The following PPA2 variants were observed in gnomAD, a reference collection of about 807,000 sequenced individuals.
The protein encoded by PPA2 is inorganic pyrophosphatase 2, mitochondrial.
Under a neutral mutation model 49.5 loss-of-function variants are expected in PPA2, and 48 were observed. That is an observed-to-expected ratio of 0.97 (90% CI 0.77 to 1.23). PPA2 has a LOEUF of 1.23. Among genes scored for constraint, PPA2 ranks in the 50% most tolerant of loss-of-function variants. The pLI, the probability that PPA2 is intolerant of heterozygous loss-of-function variation, is 0.00. For synonymous variants in PPA2, 131 were observed against 139.9 expected, an observed-to-expected ratio of 0.94 and a Z score of 0.45; for missense variants, 429 against 410.1, an observed-to-expected ratio of 1.05 and a Z score of -0.40.
intron 2 of PPA2, chr4:105,456,351 A>G: frequency 2.3e-6 from 1 of 431,912 alleles, no homozygotes; most frequent in South Asian, 1.7e-5. Context: ...CATAGTGGCT[A>G]GCAAATAAAA....
At chr4:105,416,018 C>A (rs1282145254) in intron 7 of PPA2, among the ~76,000 whole-genome samples, 1 of 152,082 alleles carries the variant, frequency 6.6e-6, no homozygotes, top group Non-Finnish European at 1.5e-5. Flanking sequence ...AAATTGTTAC[C>A]AATTATTCTA....
intron 5 of PPA2, among the ~76,000 whole-genome samples, chr4:105,441,722 G>T (rs1023344708): frequency 5.3e-5 from 8 of 152,186 alleles, no homozygotes; most frequent in South Asian, 2.1e-4. Context: ...TAGAAAAGAT[G>T]ATTATAAAGC....
rs988917514 is a variant in PPA2 at position 105,396,190 on chromosome 4, T to C, written c.869+59A>G. 11 of 1,057,362 alleles carry C rather than the reference T, an allele frequency of 1.0e-5. 1 individual carries two copies. The South Asian group carries it at 1.2e-4, about 12-fold the overall frequency. 65.5% of individuals were successfully genotyped at this position (1,057,362 alleles called of 1,614,324 possible). A position where few individuals can be genotyped will look rare whatever the true frequency, so the allele number is the denominator to read the frequency against. ...GCAAAAATCTGAAATCTGATTATTA[T>C]GTGGCTGTTTAATACCAATTAATAT... is the stretch of plus-strand genomic sequence containing the variant. On this transcript the variant is annotated intron_variant, in intron 9 of 11. Coordinates refer to ENST00000341695, the MANE Select transcript of PPA2 (RefSeq NM_176869.3).
intron 9 of PPA2, among the ~76,000 whole-genome samples, chr4:105,389,348 T>C (rs1433887517): frequency 6.6e-6 from 1 of 151,930 alleles, no homozygotes; most frequent in Non-Finnish European, 1.5e-5. Context: ...AGATTCTTTT[T>C]ACTTCTCAAA....
intron 1 of PPA2, among the ~76,000 whole-genome samples, chr4:105,471,087 A>C (rs971159349): frequency 6.6e-6 from 1 of 152,242 alleles, no homozygotes; most frequent in Non-Finnish European, 1.5e-5. Flanking sequence ...ATAAAATGGG[A>C]AGTGTTCTAA....
chr4:105,397,044 T>C (rs1734178416), intron 8 of PPA2, among the ~76,000 whole-genome samples: 1 of 152,194 alleles, frequency 6.6e-6, no homozygotes, highest in Admixed American at 6.5e-5. Flanking sequence ...ATACATCCAG[T>C]AAGAATATCT....
chr4:105,369,776 G>T, intron 11 of PPA2, 23 bp from the exon 12 acceptor site: 1 of 1,566,498 alleles, frequency 6.4e-7, no homozygotes, highest in Non-Finnish European at 8.8e-7. Flanking sequence ...TGGGGAAAGA[G>T]GGTATTAGGG....
chr4:105,388,088 A>G (rs1733756023), intron 9 of PPA2, among the ~76,000 whole-genome samples: 1 of 152,166 alleles, frequency 6.6e-6, no homozygotes, highest in Non-Finnish European at 1.5e-5. Context: ...GGTCTTTTCT[A>G]GATATAGTTG....
At chr4:105,378,713 C>T (rs1020778256) in intron 10 of PPA2, among the ~76,000 whole-genome samples, 1 of 151,934 alleles carries the variant, frequency 6.6e-6, no homozygotes, top group African/African-American at 2.4e-5. Flanking sequence ...GGTCTAGGAT[C>T]CATTTTAGAC....
At chr4:105,371,300 G>A (rs1006029520) in intron 10 of PPA2, among the ~76,000 whole-genome samples, 4 of 152,166 alleles carry the variant, frequency 2.6e-5, no homozygotes, top group East Asian at 3.9e-4. Context: ...TTAAATTATT[G>A]TTTCTATTTA....
chr4:105,436,904 G>T (rs1324453229), intron 6 of PPA2, among the ~76,000 whole-genome samples: 2 of 152,028 alleles, frequency 1.3e-5, no homozygotes, highest in East Asian at 3.8e-4. Context: ...TCTGGATATC[G>T]CCTAGGCAAA....
chr4:105,415,753 C>A (rs529291227), intron 7 of PPA2, among the ~76,000 whole-genome samples: 2 of 152,326 alleles, frequency 1.3e-5, no homozygotes, highest in African/African-American at 4.8e-5. Flanking sequence ...GTCTTTGCAG[C>A]AGCTGCTCCA....
chr4:105,374,949 C>G (rs1362329640), intron 10 of PPA2, among the ~76,000 whole-genome samples: 1 of 151,268 alleles, frequency 6.6e-6, no homozygotes, highest in Non-Finnish European at 1.5e-5. Flanking sequence ...GCCTCGGTCT[C>G]CTTAAGTGCT....
chr4:105,428,091 G>A (rs1427242747), intron 6 of PPA2, among the ~76,000 whole-genome samples: 3 of 152,090 alleles, frequency 2.0e-5, no homozygotes, highest in Non-Finnish European at 2.9e-5. Flanking sequence ...GTCATATCCA[G>A]GCAAACTAAG....
chr4:105,369,846 G>C (rs1369015964), intron 11 of PPA2, 93 bp from the exon 12 acceptor site: 3 of 1,182,844 alleles, frequency 2.5e-6, no homozygotes, highest in Non-Finnish European at 3.8e-6. Context: ...CTTTTAGGAA[G>C]TATTTAGGCA....
At chr4:105,415,100 G>A (rs759488232) in intron 7 of PPA2, among the ~76,000 whole-genome samples, 2 of 152,192 alleles carry the variant, frequency 1.3e-5, no homozygotes, top group African/African-American at 2.4e-5. Flanking sequence ...CCCATGGGCA[G>A]CCATGGTTAG....
intron 6 of PPA2, among the ~76,000 whole-genome samples, chr4:105,429,632 T>C (rs1723705413): frequency 6.6e-6 from 1 of 152,194 alleles, no homozygotes; most frequent in Non-Finnish European, 1.5e-5. Context: ...GAAACTGAAG[T>C]TATTTACATA....
chr4:105,388,316 C>T (rs1733763298), intron 9 of PPA2, among the ~76,000 whole-genome samples: 1 of 151,622 alleles, frequency 6.6e-6, no homozygotes, highest in Non-Finnish European at 1.5e-5. Context: ...AAAGTAATCC[C>T]CTACTCTTAC....
Position 105,386,555 on chromosome 4 carries a change from T to A in PPA2, c.939+12A>T. 1 of 1,603,818 alleles carries A rather than the reference T, an allele frequency of 6.2e-7. No homozygotes were observed. Among genetic ancestry groups the A allele is most frequent in the Non-Finnish European group, 8.5e-7 (1 of 1,171,104 alleles). On this transcript the variant is annotated intron_variant, in intron 10 of 11. Transcript: ENST00000341695. ...ATAAGATTAAAGGATGTCTTGGATG[T>A]TTGCCCCTTACCGATTCAACTAATG... is the stretch of plus-strand genomic sequence containing the variant.
Sources: gnomAD v4.1 joint callset for allele counts (sites outside exome capture counted in the v4.1 genomes callset) on GRCh38, gnomAD v4.1.1 for gene constraint, MANE v1.5 for transcripts, NCBI Gene and HGNC (gene_info 2026-07-23, HGNC 2026-07-21) for gene names.